Variants in CREB5 observed in about 807,000 individuals in gnomAD.
CREB5 encodes cyclic AMP-responsive element-binding protein 5.
In CREB5, 19 loss-of-function variants were observed where a neutral mutation model predicts 57.1. The observed-to-expected ratio is 0.33, with a 90% CI of 0.23 to 0.49. The LOEUF is 0.49. Ranked by LOEUF, CREB5 falls within the 20% of genes least tolerant of loss-of-function variation. The pLI, the probability that CREB5 is intolerant of heterozygous loss-of-function variation, is 0.99. For synonymous variants in CREB5, 238 were observed against 238.3 expected, an observed-to-expected ratio of 1.00 and a Z score of 0.01; for missense variants, 579 against 671.6, an observed-to-expected ratio of 0.86 and a Z score of 1.52.
intron 5 of CREB5, among the ~76,000 whole-genome samples, chr7:28,614,145 A>C (rs576598729): frequency 6.6e-6 from 1 of 152,070 alleles, no homozygotes; most frequent in Non-Finnish European, 1.5e-5. Context: ...ATGTTTATAA[A>C]GTGGGGTTTC....
intron 5 of CREB5, among the ~76,000 whole-genome samples, chr7:28,653,873 T>G (rs1050836850): frequency 1.3e-5 from 2 of 152,258 alleles, no homozygotes; most frequent in African/African-American, 4.8e-5. Flanking sequence ...CAAGTACAAC[T>G]GATCCCACCA....
At chr7:28,658,872 T>G (rs1194116558) in intron 5 of CREB5, among the ~76,000 whole-genome samples, 5 of 150,410 alleles carry the variant, frequency 3.3e-5, no homozygotes, top group Non-Finnish European at 7.4e-5. Context: ...TTCCAATAAA[T>G]GAATGCTTTC....
At chr7:28,417,749 G>A (rs982757107) in intron 1 of CREB5, among the ~76,000 whole-genome samples, 3 of 152,126 alleles carry the variant, frequency 2.0e-5, no homozygotes, top group Non-Finnish European at 4.4e-5. Flanking sequence ...GCAGTAAAGC[G>A]TTCATTCAGA....
At chr7:28,453,009 G>A (rs955812587) in intron 1 of CREB5, among the ~76,000 whole-genome samples, 3 of 152,228 alleles carry the variant, frequency 2.0e-5, no homozygotes, top group South Asian at 2.1e-4. Flanking sequence ...CCCGACATGG[G>A]TGCCTTGTGT....
chr7:28,764,276 G>T (rs529487255), intron 7 of CREB5, among the ~76,000 whole-genome samples: 1 of 151,422 alleles, frequency 6.6e-6, no homozygotes, highest in South Asian at 2.1e-4. Context: ...AAATATAAAT[G>T]ATATAACATT....
At chr7:28,574,026 A>G (rs77178279) in intron 5 of CREB5, among the ~76,000 whole-genome samples, 2,559 of 152,320 alleles carry the variant, frequency 0.017, 62 homozygotes, top group African/African-American at 0.054. Context: ...GGCAGACTAG[A>G]AAAACACACA....
intron 4 of CREB5, among the ~76,000 whole-genome samples, chr7:28,526,985 C>T (rs1793477292): frequency 6.6e-6 from 1 of 152,206 alleles, no homozygotes; most frequent in Non-Finnish European, 1.5e-5. Flanking sequence ...CTCTACACCC[C>T]TTATGAAGAG....
chr7:28,636,122 T>G (rs1798409143), intron 5 of CREB5, among the ~76,000 whole-genome samples: 1 of 152,234 alleles, frequency 6.6e-6, no homozygotes, highest in East Asian at 1.9e-4. Flanking sequence ...CTTTTTATAT[T>G]TTCATATTCT....
At chr7:28,640,835 C>T (rs160366) in intron 5 of CREB5, among the ~76,000 whole-genome samples, 25,457 of 152,154 alleles carry the variant, frequency 0.17, 2,227 homozygotes, top group African/African-American at 0.18. Context: ...AAATGATTTC[C>T]TCACCTTCAG....
At chr7:28,602,316 A>G (rs59156849) in intron 5 of CREB5, among the ~76,000 whole-genome samples, 7,102 of 152,096 alleles carry the variant, frequency 0.047, 609 homozygotes, top group African/African-American at 0.16. Context: ...TAGTAGAGCC[A>G]GGGTTTCGCC....
chr7:28,432,023 G>A (rs1038584814), intron 1 of CREB5, among the ~76,000 whole-genome samples: 5 of 136,596 alleles, frequency 3.7e-5, no homozygotes, highest in Non-Finnish European at 7.7e-5. Context: ...TGTTGATTCT[G>A]ATCGAATTAG....
chr7:28,591,879 C>A (rs1287542963), intron 5 of CREB5, among the ~76,000 whole-genome samples: 1 of 152,088 alleles, frequency 6.6e-6, no homozygotes, highest in Non-Finnish European at 1.5e-5. Context: ...TCTGTGTGTG[C>A]CAGACACTTG....
At chr7:28,654,642 T>C (rs1411593991) in intron 5 of CREB5, among the ~76,000 whole-genome samples, 13 of 152,148 alleles carry the variant, frequency 8.5e-5, no homozygotes, top group Admixed American at 8.5e-4. Flanking sequence ...AGTGATGAGA[T>C]TGCAAATGGT....
chr7:28,438,080 C>A (rs1412301251), intron 1 of CREB5, among the ~76,000 whole-genome samples: 1 of 152,040 alleles, frequency 6.6e-6, no homozygotes, highest in Non-Finnish European at 1.5e-5. Context: ...GTTTACTGGG[C>A]AGAGCATGTG....
chr7:28,388,365 A>T (rs1467022040), intron 1 of CREB5, among the ~76,000 whole-genome samples: 1 of 152,088 alleles, frequency 6.6e-6, no homozygotes. Flanking sequence ...TTTTGGTTTT[A>T]TGTAAGGTCT....
intron 1 of CREB5, among the ~76,000 whole-genome samples, chr7:28,356,346 T>A (rs1786342256): frequency 6.6e-6 from 1 of 152,230 alleles, no homozygotes; most frequent in African/African-American, 2.4e-5. Context: ...AACACACAGA[T>A]GTGTGTGCAT....
chr7:28,714,038 G>A (rs926504964), intron 5 of CREB5, among the ~76,000 whole-genome samples: 1 of 152,090 alleles, frequency 6.6e-6, no homozygotes, highest in African/African-American at 2.4e-5. Flanking sequence ...GAGTGCAATG[G>A]TGTGATCTCG....
intron 5 of CREB5, among the ~76,000 whole-genome samples, chr7:28,680,273 C>T (rs1800521626): frequency 6.6e-6 from 1 of 152,112 alleles, no homozygotes; most frequent in Admixed American, 6.6e-5. Context: ...ACAGAGCCTC[C>T]AGGAAAGGCC....
chr7:28,369,132 T>C lies in CREB5; in HGVS notation c.-25+69691T>C, dbSNP rs112840863. On this transcript the variant is annotated intron_variant, in intron 1 of 9. Transcript: ENST00000396299. ...TAAACTGCACAAAAGCAGAGATCTT[T>C]CCTGTGTTATTTATCTCTGTATACC... 2.0e-3 allele frequency among the ~76,000 whole-genome samples: 311 copies of C among 152,344 alleles called. 2 individuals carry two copies. Among genetic ancestry groups the C allele is most frequent in the African/African-American group, 7.4e-3 (306 of 41,568 alleles).
Sources: allele counts gnomAD v4.1 joint callset (sites outside exome capture counted in the v4.1 genomes callset), GRCh38; gene constraint gnomAD v4.1.1; transcripts MANE v1.5; gene names NCBI Gene and HGNC (gene_info 2026-07-23, HGNC 2026-07-21).